Variants in TMEM63A observed in about 807,000 individuals in gnomAD.
TMEM63A encodes the protein mechanosensitive cation channel TMEM63A.
In TMEM63A, 76 loss-of-function variants were observed where a neutral mutation model predicts 100.6. That is an observed-to-expected ratio of 0.76 (90% CI 0.63 to 0.91). The LOEUF is 0.91. TMEM63A is among the 40% of genes least tolerant of loss of function. The pLI is 0.00. For missense variants in TMEM63A, 876 were observed against 1,008.8 expected (o/e 0.87, Z 1.78); for synonymous variants, 401 against 401.1 (o/e 1.00, Z 0.00).
chr1:225,845,210 A>G, downstream of TMEM63A: 9 of 1,614,114 alleles, frequency 5.6e-6, no homozygotes, highest in Non-Finnish European at 7.6e-6. Flanking sequence ...CACGCCTGAA[A>G]AGTGGGTGAG....
chr1:225,869,666 C>CTTTTCTTTTCTTTTCTTT (rs76862516), intron 6 of TMEM63A, among the ~76,000 whole-genome samples: 2 of 109,914 alleles, frequency 1.8e-5, no homozygotes, highest in Admixed American at 1.1e-4. Flanking sequence ...CTTTTCTTTT[C>CTTTTCTTTTCTTTTCTTT]TTTTTTTTTT....
At chr1:225,850,126 G>C in intron 20 of TMEM63A, 47 bp from the exon 21 acceptor site, 1 of 1,606,464 alleles carries the variant, frequency 6.2e-7, no homozygotes. Flanking sequence ...GGGCCACACA[G>C]ACACCTCTGT....
chr1:225,866,426 G>A (rs1670213405), intron 9 of TMEM63A, 148 bp downstream of exon 9: 1 of 651,130 alleles, frequency 1.5e-6, no homozygotes, highest in South Asian at 1.9e-5. Context: ...ATGGTGCCAA[G>A]TGTGAGCAAG....
intron 22 of TMEM63A, among the ~76,000 whole-genome samples, 156 bp from the exon 23 acceptor site, chr1:225,848,710 G>A (rs1576064466): frequency 6.6e-6 from 1 of 152,156 alleles, no homozygotes; most frequent in Non-Finnish European, 1.5e-5. Flanking sequence ...GGGAGTGCAG[G>A]GATGAGGGGA....
intron 3 of TMEM63A, among the ~76,000 whole-genome samples, chr1:225,875,791 C>T (rs1294074288): frequency 6.6e-6 from 1 of 151,666 alleles, no homozygotes; most frequent in African/African-American, 2.4e-5. Context: ...TGGCCGGGCA[C>T]CATGGCTCAC....
chr1:225,866,663 G>T lies in TMEM63A; in HGVS notation c.586C>A (p.His196Asn). ...LQTDNDLLWL[H>N]TIFAVIYLFL... Reference sequence around the variant, plus strand: ...AGGTAAATGACAGCAAAGATGGTGTGCAGCCAAAGGAGGTCATTGCTGAGA... The same window carrying T: ...AGGTAAATGACAGCAAAGATGGTGTTCAGCCAAAGGAGGTCATTGCTGAGA... The change falls in exon 9 of 25, where the codon CAC (histidine) becomes AAC (asparagine). Residue 196 changes from histidine (H) to asparagine (N), a missense_variant. Around this residue, in one of 5 missense-constraint regions of TMEM63A, gnomAD observed 487 missense variants for 581.9 expected, o/e 0.84. Transcript: ENST00000366835. 1.2e-6 allele frequency: 2 copies of T among 1,614,156 alleles called. No homozygotes were observed. Among genetic ancestry groups the T allele is most frequent in the Non-Finnish European group, 1.7e-6 (2 of 1,180,006 alleles).
chr1:225,857,412 A>G (rs1669695513), intron 15 of TMEM63A, among the ~76,000 whole-genome samples: 1 of 135,546 alleles, frequency 7.4e-6, no homozygotes, highest in Non-Finnish European at 1.5e-5. Context: ...CTGCCTGCTC[A>G]GCTCCCACTG....
At chr1:225,879,739 G>A (rs1375199743) in intron 1 of TMEM63A, among the ~76,000 whole-genome samples, 1 of 152,186 alleles carries the variant, frequency 6.6e-6, no homozygotes, top group Non-Finnish European at 1.5e-5. Context: ...GAGGTTGTGG[G>A]CTCACGGTAG....
downstream of TMEM63A, chr1:225,845,000 T>G (rs1331210746): frequency 6.6e-6 from 6 of 909,172 alleles, no homozygotes; most frequent in Non-Finnish European, 8.7e-6. Flanking sequence ...GGGAGAGCGG[T>G]TGAGACCCTG....
chr1:225,869,502 A>T (rs1670384368), intron 6 of TMEM63A, among the ~76,000 whole-genome samples: 1 of 152,184 alleles, frequency 6.6e-6, no homozygotes, highest in African/African-American at 2.4e-5. Context: ...TCTCACATGT[A>T]TTCATTCCTT....
intron 18 of TMEM63A, among the ~76,000 whole-genome samples, chr1:225,854,611 G>C (rs1669521248): frequency 6.6e-6 from 1 of 152,200 alleles, no homozygotes; most frequent in South Asian, 2.1e-4. Flanking sequence ...TCGAGAGTTT[G>C]GTTTTGGGCA....
At position 225,862,003 on chromosome 1, in the gene TMEM63A, G is replaced by A. The variant is rs1669964022; in HGVS notation, c.1085+215C>T. 8.4e-6 allele frequency: 6 copies of A among 710,586 alleles called. No individual in the cohort carries two copies. Among genetic ancestry groups the A allele is most frequent in the African/African-American group, 1.8e-5 (1 of 55,770 alleles). 44.0% of individuals were successfully genotyped at this position (710,586 alleles called of 1,614,324 possible). ...GGGGTCAGCCAGAATCACCCACTCC[G>A]TGGCTGCTGCCCACACCCCCACCGC... On this transcript the variant is annotated intron_variant, in intron 13 of 24. Transcript: ENST00000366835. The surrounding 1 kb of genome is among the most constrained non-coding windows in gnomAD (Gnocchi z 5.1).
At chr1:225,876,062 TCAAAA>T (rs1559052270) in intron 3 of TMEM63A, among the ~76,000 whole-genome samples, 2 of 48,006 alleles carry the variant, frequency 4.2e-5, no homozygotes, top group Non-Finnish European at 7.2e-5. Flanking sequence ...AGACCTTGTC[TCAAAA>T]AAAAAAAAAA....
intron 9 of TMEM63A, 186 bp downstream of exon 9, chr1:225,866,388 A>G: frequency 1.7e-6 from 1 of 585,838 alleles, no homozygotes; most frequent in Admixed American, 3.1e-5. Context: ...TCTTGAAACA[A>G]TCCACCAGGA....
At chr1:225,868,566 A>T (rs551285035) in intron 6 of TMEM63A, among the ~76,000 whole-genome samples, 1 of 152,034 alleles carries the variant, frequency 6.6e-6, no homozygotes, top group South Asian at 2.1e-4. Flanking sequence ...CATGCCTATA[A>T]TCCCAGCAAC....
At chr1:225,845,338 G>A (rs1245719488), downstream of TMEM63A, 2 of 1,609,534 alleles carry the variant, frequency 1.2e-6, no homozygotes, top group African/African-American at 1.3e-5. Context: ...CGGTGCTGGA[G>A]CGGCAATGAC....
intron 3 of TMEM63A, among the ~76,000 whole-genome samples, chr1:225,876,197 C>A (rs1363364897): frequency 6.6e-6 from 1 of 151,664 alleles, no homozygotes; most frequent in African/African-American, 2.4e-5. Flanking sequence ...TGCCCAGGTC[C>A]CCCTCTCTGT....
intron 14 of TMEM63A, chr1:225,859,641 C>G (rs1669834362): frequency 5.5e-6 from 2 of 361,212 alleles, no homozygotes; most frequent in African/African-American, 2.2e-5. Flanking sequence ...TTTATTTTTT[C>G]TTTTTCTGTT....
Position 225,860,719 on chromosome 1 carries a change from A to G in TMEM63A, c.1223+141T>C, listed in dbSNP as rs879004884. 25 of 1,103,950 alleles carry G rather than the reference A, an allele frequency of 2.3e-5. No homozygotes were observed. The South Asian group carries it at 4.9e-4, about 22-fold the overall frequency. The allele number at this position is 1,103,950 out of a possible 1,614,324, so 68.4% of individuals were successfully genotyped here. On this transcript the variant is annotated intron_variant, in intron 14 of 24. Transcript: ENST00000366835. ...ACCCCAGTTGGGCCACACCGAGCACATCACAGCATCACAGCCCACAGAATT... is the reference window on the plus strand; with the variant it reads ...ACCCCAGTTGGGCCACACCGAGCACGTCACAGCATCACAGCCCACAGAATT...
Sources: allele counts gnomAD v4.1 joint callset (sites outside exome capture counted in the v4.1 genomes callset), GRCh38; gene constraint gnomAD v4.1.1; regional missense constraint gnomAD v4.1.1; non-coding constraint Gnocchi (gnomAD v3.1); transcripts MANE v1.5; gene names NCBI Gene and HGNC (gene_info 2026-07-23, HGNC 2026-07-21).